The following MED12L variants were observed in gnomAD, a reference collection of about 807,000 sequenced individuals.
The protein encoded by MED12L is mediator complex subunit 12L, also known as mediator of RNA polymerase II transcription subunit 12-like protein.
A neutral mutation model predicts 281.3 loss-of-function variants in MED12L; 60 were observed. The observed-to-expected ratio is 0.21, with a 90% CI of 0.17 to 0.26. The LOEUF (loss-of-function observed/expected upper bound fraction) is 0.26. Ranked by LOEUF, MED12L falls within the 10% of genes least tolerant of loss-of-function variation. The pLI is 1.00. For missense variants in MED12L, 2,146 were observed against 2,680.9 expected (o/e 0.80, Z 4.41); for synonymous variants, 974 against 987.2 (o/e 0.99, Z 0.25).
chr3:151,284,535 T>C (rs1328373347), intron 16 of MED12L, among the ~76,000 whole-genome samples: 1 of 152,210 alleles, frequency 6.6e-6, no homozygotes, highest in African/African-American at 2.4e-5. Flanking sequence ...TCTTAGGCTA[T>C]TATGTGTGGA....
intron 5 of MED12L, among the ~76,000 whole-genome samples, chr3:151,151,031 C>CTTTTTTGTTTTTTTTTTTTTTTTTT (rs1718401974): frequency 9.1e-5 from 3 of 32,880 alleles, no homozygotes; most frequent in African/African-American, 1.2e-4. Context: ...GCTGAAGTAG[C>CTTTTTTGTTTTTTTTTTTTTTTTTT]TTTTTTTTTT....
At chr3:151,170,509 C>T (rs1238355829) in intron 11 of MED12L, among the ~76,000 whole-genome samples, 1 of 151,880 alleles carries the variant, frequency 6.6e-6, no homozygotes, top group Non-Finnish European at 1.5e-5. Context: ...CTCTTGACCT[C>T]GTGATCCACC....
At chr3:151,151,031 C>CTTTTTTTTTTT (rs573419924) in intron 5 of MED12L, among the ~76,000 whole-genome samples, 2,641 of 32,800 alleles carry the variant, frequency 0.081, 1,054 homozygotes, top group Non-Finnish European at 0.11. Flanking sequence ...GCTGAAGTAG[C>CTTTTTTTTTTT]TTTTTTTTTT....
intron 12 of MED12L, among the ~76,000 whole-genome samples, chr3:151,186,522 C>G (rs578100193): frequency 6.6e-6 from 1 of 152,216 alleles, no homozygotes; most frequent in African/African-American, 2.4e-5. Context: ...TCTACTCCTT[C>G]AATACACAAA....
intron 16 of MED12L, among the ~76,000 whole-genome samples, chr3:151,206,110 C>T (rs1195207838): frequency 2.0e-5 from 3 of 147,162 alleles, no homozygotes; most frequent in Non-Finnish European, 4.5e-5. Context: ...ATATTCTTTC[C>T]CACCTGCGTT....
At chr3:151,183,681 A>G (rs1047771613) in intron 11 of MED12L, among the ~76,000 whole-genome samples, 4 of 152,272 alleles carry the variant, frequency 2.6e-5, no homozygotes, top group East Asian at 1.9e-4. Flanking sequence ...TACTGATCAC[A>G]TACAGTTCTT....
intron 16 of MED12L, among the ~76,000 whole-genome samples, chr3:151,288,126 G>A (rs1743784600): frequency 6.6e-6 from 1 of 152,140 alleles, no homozygotes; most frequent in Non-Finnish European, 1.5e-5. Context: ...AGGCATTACT[G>A]CCCCAGAGAG....
chr3:151,089,067 C>T (rs1719670115), intron 2 of MED12L, among the ~76,000 whole-genome samples: 2 of 152,098 alleles, frequency 1.3e-5, no homozygotes, highest in Non-Finnish European at 1.5e-5. Flanking sequence ...AAGATTTCTA[C>T]CCTACCCCTG....
intron 11 of MED12L, among the ~76,000 whole-genome samples, chr3:151,181,452 T>A (rs1722682581): frequency 6.6e-6 from 1 of 151,982 alleles, no homozygotes; most frequent in Non-Finnish European, 1.5e-5. Context: ...GGTCTGGCTC[T>A]GTTGCCTAGG....
chr3:151,401,031 TTCTAA>T (rs1434827808), intron 39 of MED12L, among the ~76,000 whole-genome samples: 5 of 152,236 alleles, frequency 3.3e-5, no homozygotes, highest in East Asian at 1.9e-4. Flanking sequence ...GTTTTTATAC[TTCTAA>T]TCTATACGTT....
chr3:151,355,454 T>A (rs1023786590), intron 18 of MED12L, among the ~76,000 whole-genome samples: 5 of 152,212 alleles, frequency 3.3e-5, no homozygotes, highest in African/African-American at 1.2e-4. Flanking sequence ...GTCCTTATGA[T>A]AATAATCGGT....
At chr3:151,213,205 T>C in intron 16 of MED12L, 1 of 932,936 alleles carries the variant, frequency 1.1e-6, no homozygotes, top group Non-Finnish European at 1.6e-6. Context: ...CTAGAGATGA[T>C]ATTTATGATG....
intron 38 of MED12L, among the ~76,000 whole-genome samples, chr3:151,393,810 C>G (rs1285893512): frequency 1.3e-5 from 2 of 151,630 alleles, no homozygotes; most frequent in African/African-American, 4.8e-5. Flanking sequence ...TGGGTTTTTC[C>G]AAAAAAACAG....
At chr3:151,143,639 G>C (rs1247606846) in intron 5 of MED12L, among the ~76,000 whole-genome samples, 1 of 152,086 alleles carries the variant, frequency 6.6e-6, no homozygotes, top group Non-Finnish European at 1.5e-5. Flanking sequence ...CAGGAGGGTG[G>C]GTGCCTTCCC....
intron 13 of MED12L, among the ~76,000 whole-genome samples, chr3:151,189,324 A>C (rs1016142243): frequency 1.2e-4 from 19 of 152,194 alleles, no homozygotes; most frequent in African/African-American, 4.3e-4. Flanking sequence ...GAAGGAGAGC[A>C]AGCACTGGAG....
chr3:151,192,256 T>G (rs1371551973), intron 14 of MED12L, among the ~76,000 whole-genome samples: 13 of 152,210 alleles, frequency 8.5e-5, no homozygotes, highest in Admixed American at 7.2e-4. Flanking sequence ...TTGGTTAAAG[T>G]ATGTGATGGG....
At chr3:151,106,213 TTTC>T (rs1344302791) in intron 2 of MED12L, among the ~76,000 whole-genome samples, 4 of 148,884 alleles carry the variant, frequency 2.7e-5, no homozygotes, top group Non-Finnish European at 4.5e-5. Context: ...TCTGTTTTTT[TTTC>T]TTTCTTTCCT....
At chr3:151,256,731 T>C (rs1237800396) in intron 16 of MED12L, among the ~76,000 whole-genome samples, 1 of 151,720 alleles carries the variant, frequency 6.6e-6, no homozygotes, top group Admixed American at 6.6e-5. Context: ...TTATTTTTCT[T>C]AGGTAAGGAG....
intron 16 of MED12L, among the ~76,000 whole-genome samples, chr3:151,344,199 G>A (rs1043770332): frequency 6.6e-6 from 1 of 151,850 alleles, no homozygotes; most frequent in Non-Finnish European, 1.5e-5. Context: ...TCATACTGTG[G>A]ACTATAAGCT....
Sources: gnomAD v4.1 joint callset for allele counts (sites outside exome capture counted in the v4.1 genomes callset) on GRCh38, gnomAD v4.1.1 for gene constraint, MANE v1.5 for transcripts, NCBI Gene and HGNC (gene_info 2026-07-23, HGNC 2026-07-21) for gene names.